CREB5: variants seen among roughly 807,000 people sequenced by gnomAD.
The protein encoded by CREB5 is cAMP responsive element binding protein 5.
In CREB5, 19 loss-of-function variants were observed where a neutral mutation model predicts 57.1. The ratio of observed to expected loss-of-function variants is 0.33; its 90% CI spans 0.23 to 0.49. The LOEUF (loss-of-function observed/expected upper bound fraction) is 0.49. CREB5 is among the 20% of genes least tolerant of loss of function. CREB5 has a pLI of 0.99. For synonymous variants in CREB5, 238 were observed against 238.3 expected (o/e 1.00, Z 0.01); for missense variants, 579 against 671.6 (o/e 0.86, Z 1.52).
At chr7:28,376,033 A>G (rs1786815739) in intron 1 of CREB5, among the ~76,000 whole-genome samples, 1 of 152,188 alleles carries the variant, frequency 6.6e-6, no homozygotes, top group Non-Finnish European at 1.5e-5. Context: ...GTCTCCCACC[A>G]TGCCCCTTCC....
intron 7 of CREB5, among the ~76,000 whole-genome samples, chr7:28,776,156 T>C (rs1228175160): frequency 6.6e-6 from 1 of 151,894 alleles, no homozygotes; most frequent in East Asian, 1.9e-4. Context: ...ACTAACATGG[T>C]GAAACCCCGT....
intron 1 of CREB5, among the ~76,000 whole-genome samples, chr7:28,428,752 T>C (rs1214295734): frequency 6.6e-6 from 1 of 152,054 alleles, no homozygotes; most frequent in Non-Finnish European, 1.5e-5. Context: ...CAGCTGCAGA[T>C]AGAGTTAGAA....
intron 1 of CREB5, among the ~76,000 whole-genome samples, chr7:28,310,082 T>C (rs1270920773): frequency 2.6e-5 from 4 of 151,884 alleles, no homozygotes; most frequent in African/African-American, 7.3e-5. Flanking sequence ...GAGCTAGACA[T>C]TGGAGGGTGG....
At chr7:28,709,095 A>G (rs192530871) in intron 5 of CREB5, among the ~76,000 whole-genome samples, 11 of 152,274 alleles carry the variant, frequency 7.2e-5, no homozygotes, top group Non-Finnish European at 1.2e-4. Context: ...GTTGCGTTCA[A>G]AATCATCTTT....
In CREB5 at chr7:28,578,000, T is replaced by C. The variant is rs573428668; in HGVS notation, c.464+7463T>C. On this transcript the variant is annotated intron_variant, in intron 5 of 10. Coordinates refer to ENST00000357727, the MANE Select transcript of CREB5 (RefSeq NM_182898.4). ...TGTAAAACAAGTCCAACGCAAGAGA[T>C]CTGGATGATGGTTTTGCCAGAGACA... Among the ~76,000 whole-genome samples, 22 of 152,282 alleles carry C rather than the reference T, an allele frequency of 1.4e-4. No homozygotes were observed. In the East Asian group the frequency reaches 2.7e-3, roughly 19 times the overall value.
At chr7:28,461,557 T>A (rs189657089) in intron 1 of CREB5, among the ~76,000 whole-genome samples, 1 of 152,212 alleles carries the variant, frequency 6.6e-6, no homozygotes, top group East Asian at 1.9e-4. Flanking sequence ...TATATTAGGG[T>A]GTGTTTTTTG....
At chr7:28,523,821 C>A (rs950651622) in intron 4 of CREB5, among the ~76,000 whole-genome samples, 1 of 152,208 alleles carries the variant, frequency 6.6e-6, no homozygotes, top group Non-Finnish European at 1.5e-5. Flanking sequence ...TCTCCCCTCA[C>A]CTGATGCAAT....
At chr7:28,519,630 G>A (rs1304553187) in intron 4 of CREB5, among the ~76,000 whole-genome samples, 1 of 152,190 alleles carries the variant, frequency 6.6e-6, no homozygotes, top group Non-Finnish European at 1.5e-5. Context: ...GGCCAGGGGT[G>A]CAGTCTGTGA....
chr7:28,808,355 T>G (rs1808876532), intron 8 of CREB5, among the ~76,000 whole-genome samples: 3 of 152,208 alleles, frequency 2.0e-5, no homozygotes, highest in African/African-American at 7.2e-5. Context: ...GGAGTCACAG[T>G]GGCAACGATG....
intron 1 of CREB5, among the ~76,000 whole-genome samples, chr7:28,443,034 C>A (rs1477462352): frequency 6.6e-6 from 1 of 152,282 alleles, no homozygotes; most frequent in Admixed American, 6.5e-5. Flanking sequence ...ATCTTCAGAA[C>A]AACTCTATAA....
At chr7:28,516,753 G>A (rs1052136133) in intron 4 of CREB5, among the ~76,000 whole-genome samples, 1 of 152,198 alleles carries the variant, frequency 6.6e-6, no homozygotes, top group African/African-American at 2.4e-5. Flanking sequence ...GGTTGGGTCG[G>A]GTACTCAGCT....
At position 28,753,409 on chromosome 7, in the gene CREB5, A is replaced by G. The variant is rs144549756; in HGVS notation, c.702+29077A>G. On this transcript the variant is annotated intron_variant, in intron 7 of 10. Coordinates refer to ENST00000357727, the MANE Select transcript of CREB5 (RefSeq NM_182898.4). ...ACACACACACACTCACACACTCACA[A>G]TTGGTAGAAATACTGATGAGAGAGT... is the stretch of plus-strand genomic sequence containing the variant. Among the ~76,000 whole-genome samples, 750 of 152,158 alleles carry G rather than the reference A, an allele frequency of 4.9e-3. 4 individuals are homozygous for G. The highest frequency in any genetic ancestry group is 0.017 in the African/African-American group (725 of 41,554).
At chr7:28,359,142 A>G (rs951541925) in intron 1 of CREB5, among the ~76,000 whole-genome samples, 4 of 152,140 alleles carry the variant, frequency 2.6e-5, no homozygotes, top group Admixed American at 2.0e-4. Context: ...ATAGGGTGGG[A>G]AAGAAGGAAG....
chr7:28,693,907 G>T (rs1437751707), intron 5 of CREB5, among the ~76,000 whole-genome samples: 1 of 152,224 alleles, frequency 6.6e-6, no homozygotes, highest in Non-Finnish European at 1.5e-5. Context: ...TTCCAAGAAA[G>T]GTAAACCAAG....
chr7:28,416,699 G>A (rs1425864452), intron 1 of CREB5, among the ~76,000 whole-genome samples: 5 of 152,160 alleles, frequency 3.3e-5, no homozygotes, highest in Admixed American at 2.0e-4. Flanking sequence ...ATCCTGTGTC[G>A]AAGGTGACTG....
At chr7:28,390,411 A>C (rs897986375) in intron 1 of CREB5, among the ~76,000 whole-genome samples, 1 of 152,202 alleles carries the variant, frequency 6.6e-6, no homozygotes, top group Non-Finnish European at 1.5e-5. Context: ...AACTGTTAAT[A>C]ACCTTATTAA....
chr7:28,496,486 G>T (rs1792054302), intron 3 of CREB5, among the ~76,000 whole-genome samples: 1 of 152,116 alleles, frequency 6.6e-6, no homozygotes, highest in Non-Finnish European at 1.5e-5. Context: ...GTAACCCATT[G>T]TTATTGACAG....
intron 4 of CREB5, among the ~76,000 whole-genome samples, chr7:28,543,467 T>G (rs1040700381): frequency 6.6e-5 from 10 of 151,906 alleles, no homozygotes; most frequent in African/African-American, 2.4e-4. Context: ...TTAAAATACT[T>G]AATTATATAT....
intron 2 of CREB5, 47 bp downstream of exon 2, chr7:28,488,293 C>T (rs756552018): frequency 1.5e-5 from 24 of 1,575,272 alleles, no homozygotes; most frequent in Middle Eastern, 1.9e-4. Flanking sequence ...GCCTGCTTTC[C>T]GAAAGGGAAG....
Sources: allele counts gnomAD v4.1 joint callset (sites outside exome capture counted in the v4.1 genomes callset), GRCh38; gene constraint gnomAD v4.1.1; transcripts MANE v1.5; gene names NCBI Gene and HGNC (gene_info 2026-07-23, HGNC 2026-07-21).